CHSY3: variants seen among roughly 807,000 people sequenced by gnomAD.
CHSY3 encodes the protein chondroitin sulfate synthase 3, also known as N-acetylgalactosaminyl-proteoglycan 3-beta-glucuronosyltransferase 3.
A neutral mutation model predicts 67.2 loss-of-function variants in CHSY3; 35 were observed. The observed-to-expected ratio is 0.52, with a 90% CI of 0.40 to 0.69. CHSY3 has a LOEUF of 0.69. CHSY3 is among the 30% of genes least tolerant of loss of function. The pLI is 0.00. For synonymous variants in CHSY3, 474 were observed against 434.7 expected (o/e 1.09, Z -1.12); for missense variants, 1,069 against 1,138.5 (o/e 0.94, Z 0.88).
intron 2 of CHSY3, among the ~76,000 whole-genome samples, chr5:129,950,179 A>C (rs1411246468): frequency 1.3e-5 from 2 of 152,014 alleles, no homozygotes; most frequent in Non-Finnish European, 1.5e-5. Flanking sequence ...AAAAAAAAAA[A>C]AAAATCATAT....
intron 2 of CHSY3, among the ~76,000 whole-genome samples, chr5:129,958,776 C>A (rs1366589399): frequency 3.3e-5 from 5 of 152,116 alleles, no homozygotes; most frequent in Admixed American, 2.0e-4. Context: ...AAGTGATCCT[C>A]TTGTTTCAGC....
At chr5:130,065,066 C>G (rs556134871) in intron 2 of CHSY3, among the ~76,000 whole-genome samples, 1 of 152,254 alleles carries the variant, frequency 6.6e-6, no homozygotes, top group African/African-American at 2.4e-5. Flanking sequence ...GTAACTCATT[C>G]ATCTGGAAGA....
chr5:130,143,892 A>G (rs2149721213), intron 2 of CHSY3, among the ~76,000 whole-genome samples: 1 of 139,174 alleles, frequency 7.2e-6, no homozygotes, highest in African/African-American at 2.6e-5. Flanking sequence ...TTTCCAAAGT[A>G]GTTGAATCAA....
intron 2 of CHSY3, among the ~76,000 whole-genome samples, chr5:130,053,351 A>G (rs1299902703): frequency 1.3e-5 from 2 of 152,170 alleles, no homozygotes; most frequent in South Asian, 2.1e-4. Context: ...AGCAAGAACT[A>G]TAATCAAGCA....
chr5:129,941,750 C>G (rs888131356), intron 2 of CHSY3, among the ~76,000 whole-genome samples: 2 of 152,110 alleles, frequency 1.3e-5, no homozygotes, highest in African/African-American at 4.8e-5. Flanking sequence ...CTCATGCTCT[C>G]TACTTGGAGG....
At chr5:130,056,918 C>CTTTTTT (rs58326964) in intron 2 of CHSY3, among the ~76,000 whole-genome samples, 10 of 56,122 alleles carry the variant, frequency 1.8e-4, no homozygotes, top group African/African-American at 3.1e-4. Context: ...GCATTTCTTT[C>CTTTTTT]TTTTTTTTTT....
rs936138433 is a variant in CHSY3, at chr5:129,905,396, G to A, written c.567G>A (p.Leu189=). ...AGAAGTACCTGGGCAGCCGCGCGCT[G>A]GCCGCGCAGCGGACCTGGGCGCGTT... ...TAQKYLGSRA[L]AAQRTWARFI... is the part of the protein sequence containing the mutation. The change falls in exon 1 of 3, where the codon CTG becomes CTA. Residue 189 remains leucine, a synonymous_variant. Transcript: ENST00000305031. 6.2e-7 allele frequency: 1 copy of A among 1,605,406 alleles called. No individual in the cohort carries two copies. Among genetic ancestry groups the A allele is most frequent in the African/African-American group, 1.3e-5 (1 of 74,846 alleles).
chr5:130,033,435 G>C (rs575111389), intron 2 of CHSY3, among the ~76,000 whole-genome samples: 2 of 152,190 alleles, frequency 1.3e-5, no homozygotes, highest in South Asian at 4.2e-4. Context: ...AGATACTGTT[G>C]GGGTCCCCTG....
At chr5:129,931,773 G>C (rs1761317373) in intron 2 of CHSY3, among the ~76,000 whole-genome samples, 2 of 152,054 alleles carry the variant, frequency 1.3e-5, no homozygotes, top group South Asian at 2.1e-4. Flanking sequence ...AGGTAGGGAG[G>C]GGGAAAACTG....
At chr5:130,151,321 A>C (rs1474101057) in intron 2 of CHSY3, among the ~76,000 whole-genome samples, 5 of 152,222 alleles carry the variant, frequency 3.3e-5, no homozygotes, top group Non-Finnish European at 7.3e-5. Context: ...TTTGGTGAGC[A>C]AATTGGGGCA....
chr5:129,961,906 C>T (rs1272328175), intron 2 of CHSY3, among the ~76,000 whole-genome samples: 1 of 151,926 alleles, frequency 6.6e-6, no homozygotes, highest in Admixed American at 6.6e-5. Context: ...GGTGACTCTA[C>T]TCCTTCCATC....
chr5:130,037,112 A>G (rs1764882910), intron 2 of CHSY3, among the ~76,000 whole-genome samples: 1 of 152,124 alleles, frequency 6.6e-6, no homozygotes, highest in African/African-American at 2.4e-5. Context: ...AGCAAGAGAG[A>G]CTTCCTTTTA....
intron 2 of CHSY3, among the ~76,000 whole-genome samples, chr5:130,105,937 T>TC (rs1192889759): frequency 1.3e-5 from 2 of 151,586 alleles, no homozygotes; most frequent in African/African-American, 4.8e-5. Context: ...TCTCCAGTAT[T>TC]CCCCCAGAGA....
chr5:130,128,707 G>A (rs1768380042), intron 2 of CHSY3, among the ~76,000 whole-genome samples: 1 of 152,052 alleles, frequency 6.6e-6, no homozygotes, highest in African/African-American at 2.4e-5. Context: ...GGAAATTTGG[G>A]GAGGTCATAC....
intron 2 of CHSY3, among the ~76,000 whole-genome samples, chr5:130,064,656 T>C (rs1765824887): frequency 6.6e-6 from 1 of 152,178 alleles, no homozygotes; most frequent in Non-Finnish European, 1.5e-5. Flanking sequence ...TAAATCTGCA[T>C]ATGCCTGACT....
chr5:129,937,486 AC>A, intron 2 of CHSY3, among the ~76,000 whole-genome samples: 1 of 151,780 alleles, frequency 6.6e-6, no homozygotes, highest in East Asian at 1.9e-4. Context: ...CTGTCCCTGG[AC>A]CCTCCCAAGT....
chr5:130,081,122 T>C (rs962462928), intron 2 of CHSY3, among the ~76,000 whole-genome samples: 1 of 152,144 alleles, frequency 6.6e-6, no homozygotes. Flanking sequence ...CAAAAATCTA[T>C]TCAGATGTGT....
chr5:130,123,419 C>T (rs1163426770), intron 2 of CHSY3, among the ~76,000 whole-genome samples: 1 of 152,128 alleles, frequency 6.6e-6, no homozygotes, highest in African/African-American at 2.4e-5. Flanking sequence ...CCACCTCAAG[C>T]ATTAGATCCT....
intron 2 of CHSY3, among the ~76,000 whole-genome samples, chr5:130,033,783 A>T (rs199974679): frequency 6.7e-6 from 1 of 150,076 alleles, no homozygotes; most frequent in Non-Finnish European, 1.5e-5. Context: ...TTTAAAAAAA[A>T]CTTTTGGCTT....
Sources: allele counts gnomAD v4.1 joint callset (sites outside exome capture counted in the v4.1 genomes callset), GRCh38; gene constraint gnomAD v4.1.1; transcripts MANE v1.5; gene names NCBI Gene and HGNC (gene_info 2026-07-23, HGNC 2026-07-21).